KCNH6: variants seen among roughly 807,000 people sequenced by gnomAD.
The protein encoded by KCNH6 is potassium voltage-gated channel subfamily H member 6, also known as voltage-gated inwardly rectifying potassium channel KCNH6.
A neutral mutation model predicts 83.4 loss-of-function variants in KCNH6; 81 were observed. That is an observed-to-expected ratio of 0.97 (90% CI 0.81 to 1.17). The LOEUF is 1.17. KCNH6 is among the 50% of genes most tolerant of loss of function. The pLI is 0.00. For missense variants in KCNH6, 1,203 were observed against 1,290.5 expected (o/e 0.93, Z 1.04); for synonymous variants, 503 against 545.6 (o/e 0.92, Z 1.09).
intron 10 of KCNH6, 66 bp from the exon 11 acceptor site, chr17:63,544,183 T>C (rs1012384460): frequency 3.1e-6 from 5 of 1,603,808 alleles, no homozygotes; most frequent in Non-Finnish European, 4.3e-6. Flanking sequence ...GGACAGGCTC[T>C]ATTGAGAAGG....
chr17:63,538,012 G>A lies in KCNH6; in HGVS notation c.1502-53G>A. The stretch of plus-strand genomic sequence containing the variant: ...GGAGGAAGACCTGGGTAAGCCCTTG[G>A]TGGTGTGGCCCAGTGGGGCCGCGGA... On this transcript the variant is annotated intron_variant, in intron 6 of 12. Transcript: ENST00000314672. This position sits in a 1 kb window ranked among gnomAD's most constrained non-coding sequence, Gnocchi z 4.0. 6.4e-7 allele frequency: 1 copy of A among 1,561,990 alleles called. No homozygotes were observed. The highest frequency in any genetic ancestry group is 8.7e-7 in the Non-Finnish European group (1 of 1,145,044).
At position 63,534,983 on chromosome 17, in the gene KCNH6, C is replaced by T. The variant is rs1343948802; in HGVS notation, c.1101+672C>T. Among the ~76,000 whole-genome samples, 2 of 152,128 alleles carry T rather than the reference C, an allele frequency of 1.3e-5. No individual in the cohort carries two copies. The highest frequency in any genetic ancestry group is 4.8e-5 in the African/African-American group (2 of 41,416). On this transcript the variant is annotated intron_variant, in intron 5 of 12. Transcript: ENST00000314672. This position sits in a 1 kb window ranked among gnomAD's most constrained non-coding sequence, Gnocchi z 5.0. ...CTGGACACTGAGTGGCCTTCGTACT[C>T]ACTTGTGTCCCATCACCAAACTTGC...
intron 12 of KCNH6, 106 bp downstream of exon 12, chr17:63,545,370 C>A: frequency 8.2e-7 from 1 of 1,219,716 alleles, no homozygotes; most frequent in East Asian, 2.4e-5. Context: ...TCTGTGGCCC[C>A]AGAGCAGCCA....
In KCNH6 at chr17:63,541,245, A is replaced by ATTCC. The variant is rs1232824985; in HGVS notation, c.1955-995_1955-992dup. On this transcript the variant is annotated intron_variant, in intron 8 of 12. Coordinates refer to ENST00000314672, the MANE Select transcript of KCNH6 (RefSeq NM_001278919.2). Reference sequence around the variant, plus strand: ...ACATCACCCATGTCTACCCTGGGATATTCCCCCTTGCCTTGCATGGACCTA... The same window carrying ATTCC: ...ACATCACCCATGTCTACCCTGGGATATTCCTTCCCCCTTGCCTTGCATGGACCTA... Among the ~76,000 whole-genome samples, 5 of 145,538 alleles carry ATTCC rather than the reference A, an allele frequency of 3.4e-5. No individual in the cohort carries two copies. In the East Asian group the frequency reaches 1.0e-3, roughly 30 times the overall value.
chr17:63,541,646 A>G (rs1182982531), intron 8 of KCNH6, among the ~76,000 whole-genome samples: 2 of 151,992 alleles, frequency 1.3e-5, no homozygotes, highest in East Asian at 3.9e-4. Flanking sequence ...GCTTCCCTGA[A>G]CAGTCCAGTG....
chr17:63,536,902 G>A (rs1211220216), intron 6 of KCNH6, among the ~76,000 whole-genome samples: 3 of 125,264 alleles, frequency 2.4e-5, no homozygotes, highest in Non-Finnish European at 4.7e-5. Context: ...TGCATGAGCC[G>A]AGATCACACC....
In KCNH6 at chr17:63,524,280, A is replaced by G; in HGVS notation, c.218A>G (p.Asn73Ser). ...PCTCDFLTGP[N>S]TPSSAVSRLA... ...ACCTGCGACTTCCTCACAGGCCCCA[A>G]CACACCAAGCAGCGCCGTGTCCCGC... Residue 73 changes from asparagine (N) to serine (S), a missense_variant, in exon 2 of 13, where the codon AAC becomes AGC. By Grantham distance (46) the Asn-to-Ser change is conservative. Transcript: ENST00000314672. The G allele has an allele frequency of 6.2e-7, 1 of 1,614,040 alleles. No homozygotes were observed. Among genetic ancestry groups the G allele is most frequent in the Non-Finnish European group, 8.5e-7 (1 of 1,180,022 alleles).
At chr17:63,540,710 GT>G (rs1224007266) in intron 8 of KCNH6, among the ~76,000 whole-genome samples, 3 of 152,130 alleles carry the variant, frequency 2.0e-5, no homozygotes, top group Non-Finnish European at 4.4e-5. Flanking sequence ...CTGTTCTCTT[GT>G]GGGGACATGT....
At position 63,538,519 on chromosome 17, in the gene KCNH6, G is replaced by A; in HGVS notation, c.1811G>A (p.Arg604His). Residue 604 changes from arginine (R) to histidine (H), a missense_variant, in exon 8 of 13, where the codon CGC (arginine) becomes CAC (histidine). Coordinates refer to ENST00000314672, the MANE Select transcript of KCNH6 (RefSeq NM_001278919.2). The surrounding 1 kb of genome is among the most constrained non-coding windows in gnomAD (Gnocchi z 4.0). ...AFSGAGKGCL[R>H]ALAVKFKTTH... is the part of the protein sequence containing the mutation. ...AGCGGCGCCGGCAAGGGCTGCCTGC[G>A]CGCGCTAGCCGTCAAGTTCAAGACC... The A allele has an allele frequency of 6.2e-7, 1 of 1,605,484 alleles. No homozygotes were observed. Among genetic ancestry groups the A allele is most frequent in the Non-Finnish European group, 8.5e-7 (1 of 1,176,568 alleles).
chr17:63,537,970 C>T (rs540708510), intron 6 of KCNH6, 95 bp from the exon 7 acceptor site: 168 of 1,250,990 alleles, frequency 1.3e-4, no homozygotes, highest in Admixed American at 1.8e-4. Flanking sequence ...GGGTCCTTCA[C>T]CAGGGGGCTG....
chr17:63,545,134 C>G lies in KCNH6; in HGVS notation c.2453C>G (p.Pro818Arg). ...LSRILQLLQK[P>R]MPQGHASYIL... is the part of the protein sequence containing the mutation. Reference sequence around the variant, plus strand: ...CGCATCTTGCAGCTCCTCCAGAAGCCCATGCCCCAGGGCCACGCCAGCTAC... The same window carrying G: ...CGCATCTTGCAGCTCCTCCAGAAGCGCATGCCCCAGGGCCACGCCAGCTAC... Residue 818 changes from proline (P) to arginine (R), a missense_variant, in exon 12 of 13, where the codon CCC becomes CGC. Transcript: ENST00000314672. The G allele has an allele frequency of 1.9e-6, 3 of 1,613,840 alleles. No individual in the cohort carries two copies. The highest frequency in any genetic ancestry group is 2.5e-6 in the Non-Finnish European group (3 of 1,180,028).
rs760037995 is a variant in KCNH6 at position 63,545,098 on chromosome 17, C to T, written c.2417C>T (p.Ser806Leu). ...QMNRLESRVS[S>L]DLSRILQLLQ... ...GGCAGGCTGGAGTCCCGCGTGTCCT[C>T]AGACCTCAGCCGCATCTTGCAGCTC... Residue 806 changes from serine (S) to leucine (L), a missense_variant, in exon 12 of 13, where the codon TCA becomes TTA. By Grantham distance (145) the Ser-to-Leu change is moderately radical (BLOSUM62 -2). Coordinates refer to ENST00000314672, the MANE Select transcript of KCNH6 (RefSeq NM_001278919.2). The T allele has an allele frequency of 3.1e-6, 5 of 1,613,490 alleles. No individual in the cohort carries two copies. Among genetic ancestry groups the T allele is most frequent in the Middle Eastern group, 1.6e-4 (1 of 6,062 alleles).
At position 63,536,066 on chromosome 17, in the gene KCNH6, G is replaced by T. The variant is rs1338702661; in HGVS notation, c.1499G>T (p.Gly500Val). The T allele has an allele frequency of 1.9e-6, 3 of 1,612,394 alleles. No individual in the cohort carries two copies. The highest frequency in any genetic ancestry group is 2.7e-5 in the African/African-American group (2 of 74,932). ...KVFSICVMLI[G>V]SLMYASIFGN... ...TTCTCCATCTGCGTCATGCTCATCGGCTGTGAGTGAGACCTCATGCCACGG... is the reference window on the plus strand; with the variant it reads ...TTCTCCATCTGCGTCATGCTCATCGTCTGTGAGTGAGACCTCATGCCACGG... Residue 500 changes from glycine to valine, a missense_variant and splice_region_variant, in exon 6 of 13, where the codon GGC becomes GTC. Transcript: ENST00000314672.
chr17:63,535,720 C>T lies in KCNH6; in HGVS notation c.1153C>T (p.Arg385Cys), dbSNP rs79670910. ...GACAGCGCGGCTGCTGCGGCTGGTG[C>T]GCGTAGCACGGAAGCTGGACCGCTA... is the stretch of plus-strand genomic sequence containing the variant. ...LKTARLLRLVRVARKLDRYSE... is the reference protein window; with the variant it reads ...LKTARLLRLVCVARKLDRYSE... The change falls in exon 6 of 13, where the codon CGC becomes TGC. Residue 385 changes from arginine (R) to cysteine (C), a missense_variant. Transcript: ENST00000314672. The surrounding 1 kb of genome is among the most constrained non-coding windows in gnomAD (Gnocchi z 4.9). 299 of 1,612,586 alleles carry T rather than the reference C, an allele frequency of 1.9e-4. 2 individuals carry two copies. The African/African-American group carries it at 3.5e-3, about 19-fold the overall frequency.
chr17:63,533,644 G>A lies in KCNH6; in HGVS notation c.676-242G>A, dbSNP rs568808132. ...TCAAACCTGGTGTCGCTATGGGGCGGAGCCATACCCCTCCTCTTGCATCCC... is the reference window on the plus strand; with the variant it reads ...TCAAACCTGGTGTCGCTATGGGGCGAAGCCATACCCCTCCTCTTGCATCCC... On this transcript the variant is annotated intron_variant, in intron 4 of 12. Coordinates refer to ENST00000314672, the MANE Select transcript of KCNH6 (RefSeq NM_001278919.2). The surrounding 1 kb of genome is among the most constrained non-coding windows in gnomAD (Gnocchi z 4.1). Among the ~76,000 whole-genome samples the A allele has an allele frequency of 6.6e-6, 1 of 152,166 alleles. No homozygotes were observed. Among genetic ancestry groups the A allele is most frequent in the South Asian group, 2.1e-4 (1 of 4,828 alleles).
At chr17:63,539,371 C>T (rs1420945679) in intron 8 of KCNH6, among the ~76,000 whole-genome samples, 2 of 152,152 alleles carry the variant, frequency 1.3e-5, no homozygotes, top group African/African-American at 2.4e-5. Context: ...ATCTGCTCTC[C>T]TCGCCCCTCC....
chr17:63,532,599 G>A (rs989596833), intron 4 of KCNH6, among the ~76,000 whole-genome samples: 3 of 152,246 alleles, frequency 2.0e-5, no homozygotes, highest in Admixed American at 2.0e-4. Flanking sequence ...GCAGGGTGGG[G>A]ACATGGTAGC....
chr17:63,530,973 G>T (rs2032070083), intron 4 of KCNH6, among the ~76,000 whole-genome samples: 1 of 152,184 alleles, frequency 6.6e-6, no homozygotes, highest in Non-Finnish European at 1.5e-5. Context: ...CCAGCCCTTT[G>T]CCTTTGAGAC....
At position 63,538,042 on chromosome 17, in the gene KCNH6, C is replaced by T; in HGVS notation, c.1502-23C>T. On this transcript the variant is annotated intron_variant, in intron 6 of 12. Coordinates refer to ENST00000314672, the MANE Select transcript of KCNH6 (RefSeq NM_001278919.2). This position sits in a 1 kb window ranked among gnomAD's most constrained non-coding sequence, Gnocchi z 4.0. ...GTGGCCCAGTGGGGCCGCGGAGGAGCTCACTCTCCGCCCCGCCCCCAGCCC... is the reference window on the plus strand; with the variant it reads ...GTGGCCCAGTGGGGCCGCGGAGGAGTTCACTCTCCGCCCCGCCCCCAGCCC... 1 of 1,607,652 alleles carries T rather than the reference C, an allele frequency of 6.2e-7. No individual in the cohort carries two copies. The highest frequency in any genetic ancestry group is 8.5e-7 in the Non-Finnish European group (1 of 1,177,818).
Sources: allele counts gnomAD v4.1 joint callset (sites outside exome capture counted in the v4.1 genomes callset), GRCh38; gene constraint gnomAD v4.1.1; non-coding constraint Gnocchi (gnomAD v3.1); transcripts MANE v1.5; gene names NCBI Gene and HGNC (gene_info 2026-07-23, HGNC 2026-07-21).